The following CLUAP1 variants were observed in gnomAD, a reference collection of about 807,000 sequenced individuals.
CLUAP1 encodes the protein intraflagellar transport 38, also known as clusterin-associated protein 1.
Under a neutral mutation model 55.0 loss-of-function variants are expected in CLUAP1, and 50 were observed. That is an observed-to-expected ratio of 0.91 (90% CI 0.72 to 1.15). CLUAP1 has a LOEUF of 1.15. Ranked by LOEUF, CLUAP1 falls within the 50% of genes most tolerant of loss-of-function variation. The pLI is 0.00. For synonymous variants in CLUAP1, 195 were observed against 175.4 expected, an observed-to-expected ratio of 1.11 and a Z score of -0.88; for missense variants, 530 against 507.6, an observed-to-expected ratio of 1.04 and a Z score of -0.42.
At chr16:3,528,105 C>T (rs2037982825) in intron 9 of CLUAP1, among the ~76,000 whole-genome samples, 1 of 152,216 alleles carries the variant, frequency 6.6e-6, no homozygotes, top group African/African-American at 2.4e-5. Flanking sequence ...TGGGGCTGTA[C>T]CCTACATCCC....
chr16:3,531,931 G>A (rs1445645830), intron 10 of CLUAP1, among the ~76,000 whole-genome samples: 1 of 151,154 alleles, frequency 6.6e-6, no homozygotes, highest in Non-Finnish European at 1.5e-5. Context: ...TGCAACCTCT[G>A]CTTCCCGGAG....
At chr16:3,496,634 A>G (rs747512546), upstream of CLUAP1, 1 of 533,236 alleles carries the variant, frequency 1.9e-6, no homozygotes, top group Non-Finnish European at 3.7e-6. Context: ...CGGTCTTCGC[A>G]AGGGCCGACA....
In CLUAP1 at chr16:3,518,277, C is replaced by T. The variant is rs544611155; in HGVS notation, c.580-1626C>T. On this transcript the variant is annotated intron_variant, in intron 6 of 11. Transcript: ENST00000576634. The stretch of plus-strand genomic sequence containing the variant: ...GTGTTCTAACTGAATCAGGTGAACA[C>T]GGCATGAATGTGCCCTTAGCACTAA... Among the ~76,000 whole-genome samples the T allele has an allele frequency of 3.3e-5, 5 of 152,290 alleles. No individual in the cohort carries two copies. The South Asian group carries it at 6.2e-4, about 19-fold the overall frequency.
intron 4 of CLUAP1, 55 bp downstream of exon 4, chr16:3,508,523 T>G: frequency 6.9e-7 from 1 of 1,453,980 alleles, no homozygotes; most frequent in Non-Finnish European, 9.1e-7. Flanking sequence ...TCTTGAGCTC[T>G]GAAGTGGAAG....
At chr16:3,522,791 A>T (rs983532992) in intron 7 of CLUAP1, among the ~76,000 whole-genome samples, 27 of 150,610 alleles carry the variant, frequency 1.8e-4, no homozygotes, top group Non-Finnish European at 3.5e-4. Flanking sequence ...GGTATATTTA[A>T]TTTTTTTTTT....
At chr16:3,495,801 G>A in the CLUAP1 span, among the ~76,000 whole-genome samples, 1 of 152,096 alleles carries the variant, frequency 6.6e-6, no homozygotes, top group Admixed American at 6.5e-5. Flanking sequence ...ACCTAGGTCG[G>A]TACTTTGAAA....
At chr16:3,499,330 A>G (rs926132518), upstream of CLUAP1, among the ~76,000 whole-genome samples, 3 of 152,240 alleles carry the variant, frequency 2.0e-5, no homozygotes, top group Admixed American at 6.5e-5. Context: ...GGGCAACAAG[A>G]GCAAGAGTCC....
intron 9 of CLUAP1, among the ~76,000 whole-genome samples, chr16:3,529,575 TTATATAA>T (rs1442545366): frequency 5.0e-5 from 2 of 40,074 alleles, no homozygotes; most frequent in African/African-American, 1.1e-4. Flanking sequence ...ATATTATATA[TTATATAA>T]TATTATATAT....
chr16:3,498,141 A>C (rs1383154911), upstream of CLUAP1, among the ~76,000 whole-genome samples: 1 of 152,030 alleles, frequency 6.6e-6, no homozygotes, highest in Non-Finnish European at 1.5e-5. Context: ...CCAGAAGTCC[A>C]AGAACCAGGA....
intron 10 of CLUAP1, among the ~76,000 whole-genome samples, chr16:3,531,701 C>T (rs2038123012): frequency 6.6e-6 from 1 of 152,092 alleles, no homozygotes; most frequent in African/African-American, 2.4e-5. Context: ...TACGCACACA[C>T]ATACACATAC....
intron 3 of CLUAP1, among the ~76,000 whole-genome samples, chr16:3,507,704 G>T (rs2151044241): frequency 6.6e-6 from 1 of 151,838 alleles, no homozygotes; most frequent in East Asian, 1.9e-4. Context: ...GTGTGTGTGT[G>T]TGTGTGTGTG....
intron 11 of CLUAP1, chr16:3,535,483 T>G (rs964928583): frequency 6.6e-6 from 1 of 152,458 alleles, no homozygotes; most frequent in Non-Finnish European, 1.5e-5. Flanking sequence ...GAACTGCCGT[T>G]TTAAAGCTGG....
chr16:3,501,849 C>T (rs529562782), intron 1 of CLUAP1, among the ~76,000 whole-genome samples: 2 of 152,042 alleles, frequency 1.3e-5, no homozygotes, highest in East Asian at 1.9e-4. Context: ...ATCATTGCGG[C>T]TAACATTTTT....
intron 9 of CLUAP1, among the ~76,000 whole-genome samples, chr16:3,530,214 C>G (rs1463632871): frequency 1.3e-5 from 2 of 151,796 alleles, no homozygotes; most frequent in African/African-American, 4.8e-5. Context: ...CCAGTATGCC[C>G]CACCTCCCAA....
intron 4 of CLUAP1, among the ~76,000 whole-genome samples, chr16:3,511,924 C>T (rs189043812): frequency 5.9e-5 from 9 of 151,526 alleles, no homozygotes; most frequent in African/African-American, 1.9e-4. Flanking sequence ...CGGTGGCTCA[C>T]GCCTGTGATC....
chr16:3,526,395 T>TA lies in CLUAP1; in HGVS notation c.856-16dup, dbSNP rs1334269417. The TA allele has an allele frequency of 3.8e-6, 6 of 1,580,632 alleles. No individual in the cohort carries two copies. The South Asian group carries it at 7.0e-5, about 18-fold the overall frequency. On this transcript the variant is annotated splice_polypyrimidine_tract_variant and intron_variant, in intron 8 of 11. Transcript: ENST00000576634. ...AAAAGGGCCATCTCTCCTGAGTCTG[T>TA]ATTTCCTCTTCCACAGGAAGCTAAA...
intron 2 of CLUAP1, among the ~76,000 whole-genome samples, chr16:3,505,691 A>T (rs2037493430): frequency 6.6e-6 from 1 of 152,176 alleles, no homozygotes. Context: ...TGGCAGAGTG[A>T]CAGGGGCCTT....
At chr16:3,532,627 A>G (rs574770482) in intron 10 of CLUAP1, among the ~76,000 whole-genome samples, 159 bp from the exon 11 acceptor site, 2 of 148,478 alleles carry the variant, frequency 1.3e-5, no homozygotes, top group African/African-American at 5.2e-5. Context: ...TATGTTGCCC[A>G]GGCTGGCCTC....
Position 3,536,271 on chromosome 16 carries a change from A to T in CLUAP1, c.1242A>T (p.Ter414CysextTer10). The change falls in exon 12 of 12, where the codon TGA (stop) becomes TGT (cysteine). Residue 414 changes from the stop codon to cysteine, a stop_lost. Transcript: ENST00000576634. ...TGGATGAGAGTGACAATGACTTCTGACCCTTTTGCCAAGGGACCCTGGCAG... is the reference window on the plus strand; with the variant it reads ...TGGATGAGAGTGACAATGACTTCTGTCCCTTTTGCCAAGGGACCCTGGCAG... ...EPLDESDNDF* is the reference protein window; with the variant it reads ...EPLDESDNDFC The T allele has an allele frequency of 6.2e-7, 1 of 1,613,754 alleles. No individual in the cohort carries two copies. The highest frequency in any genetic ancestry group is 8.5e-7 in the Non-Finnish European group (1 of 1,179,822).
Sources: allele counts gnomAD v4.1 joint callset (sites outside exome capture counted in the v4.1 genomes callset), GRCh38; gene constraint gnomAD v4.1.1; transcripts MANE v1.5; gene names NCBI Gene and HGNC (gene_info 2026-07-23, HGNC 2026-07-21).